Variants in LIMCH1 observed in about 807,000 individuals in gnomAD.
LIMCH1 encodes the protein LIM and calponin homology domains-containing protein 1.
In LIMCH1, 113 loss-of-function variants were observed where a neutral mutation model predicts 176.5. That is an observed-to-expected ratio of 0.64 (90% CI 0.55 to 0.75). The LOEUF is 0.75. Among genes scored for constraint, LIMCH1 ranks in the 30% least tolerant of loss-of-function variants. LIMCH1 has a pLI of 0.00. For synonymous variants in LIMCH1, 619 were observed against 645.9 expected (o/e 0.96, Z 0.63); for missense variants, 1,674 against 1,814.9 (o/e 0.92, Z 1.41).
chr4:41,674,956 C>T (rs911107955), intron 22 of LIMCH1, among the ~76,000 whole-genome samples: 8 of 152,088 alleles, frequency 5.3e-5, no homozygotes, highest in Non-Finnish European at 1.2e-4. Flanking sequence ...TGCATAACTT[C>T]CAAGAGCCTG....
At chr4:41,394,994 A>G (rs892782519) in intron 1 of LIMCH1, among the ~76,000 whole-genome samples, 14 of 152,210 alleles carry the variant, frequency 9.2e-5, no homozygotes, top group Non-Finnish European at 1.9e-4. Context: ...TTGATATCTG[A>G]GAAACTGAAC....
At position 41,633,875 on chromosome 4, in the gene LIMCH1, T is replaced by C. The variant is rs578005670; in HGVS notation, c.2090+67T>C. 29 of 1,478,146 alleles carry C rather than the reference T, an allele frequency of 2.0e-5. No homozygotes were observed. In the African/African-American group the frequency reaches 3.4e-4, roughly 17 times the overall value. The allele number at this position is 1,478,146 out of a possible 1,614,324, so 91.6% of individuals were successfully genotyped here. ...GTCTGAGCTTTCAGTGTGTTCTTAA[T>C]GCATTATGGCACCTCAGTGCCGCTT... On this transcript the variant is annotated intron_variant, in intron 13 of 31. Coordinates refer to ENST00000503057, the MANE Select transcript of LIMCH1 (RefSeq NM_001330672.2).
Position 41,532,765 on chromosome 4 carries a change from C to G in LIMCH1, c.237+8287C>G, listed in dbSNP as rs144397444. Reference sequence around the variant, plus strand: ...AAGAATTTTTTGTCCCTTCACTCATCTTGTGATTATTATGTCCTTTCTGGT... The same window carrying G: ...AAGAATTTTTTGTCCCTTCACTCATGTTGTGATTATTATGTCCTTTCTGGT... On this transcript the variant is annotated intron_variant, in intron 3 of 26. Transcript: ENST00000313860. 1.8e-3 allele frequency among the ~76,000 whole-genome samples: 272 copies of G among 152,310 alleles called. 1 individual carries two copies. Among genetic ancestry groups the G allele is most frequent in the African/African-American group, 6.2e-3 (258 of 41,570 alleles).
intron 3 of LIMCH1, among the ~76,000 whole-genome samples, chr4:41,526,028 A>G (rs1339931887): frequency 6.6e-6 from 1 of 152,160 alleles, no homozygotes; most frequent in Non-Finnish European, 1.5e-5. Flanking sequence ...GGAAATCATA[A>G]ATAATTTTAG....
intron 1 of LIMCH1, among the ~76,000 whole-genome samples, chr4:41,558,127 C>T (rs2081541599): frequency 6.6e-6 from 1 of 151,978 alleles, no homozygotes; most frequent in African/African-American, 2.4e-5. Flanking sequence ...TACATCAGCC[C>T]AAGTAGCAGC....
At chr4:41,434,495 C>T (rs921306499) in intron 1 of LIMCH1, among the ~76,000 whole-genome samples, 8 of 152,210 alleles carry the variant, frequency 5.3e-5, no homozygotes, top group African/African-American at 1.9e-4. Flanking sequence ...TCCCTCTCCC[C>T]ATACACCTGG....
chr4:41,393,489 C>T (rs2057477404), intron 1 of LIMCH1, among the ~76,000 whole-genome samples: 1 of 152,206 alleles, frequency 6.6e-6, no homozygotes, highest in South Asian at 2.1e-4. Flanking sequence ...AAAAGGCAAT[C>T]TCTTTAAATG....
At chr4:41,683,512 A>G (rs1718010974) in intron 26 of LIMCH1, among the ~76,000 whole-genome samples, 1 of 152,218 alleles carries the variant, frequency 6.6e-6, no homozygotes, top group African/African-American at 2.4e-5. Context: ...GAGTTACCAG[A>G]TAGGTATTGG....
At chr4:41,486,851 G>A (rs552214050) in intron 1 of LIMCH1, among the ~76,000 whole-genome samples, 6 of 150,022 alleles carry the variant, frequency 4.0e-5, no homozygotes, top group Non-Finnish European at 7.4e-5. Flanking sequence ...GTGTGATCTC[G>A]GCTCACTGCA....
chr4:41,555,572 C>T lies in LIMCH1; in HGVS notation c.-241+17222C>T, dbSNP rs557657207. ...ATTCATTCAACAAATATCAGAAAAT[C>T]ACCAGGTACTGGAAATTGATCAGCA... On this transcript the variant is annotated intron_variant, in intron 1 of 31. Transcript: ENST00000503057. Among the ~76,000 whole-genome samples, 4 of 152,254 alleles carry T rather than the reference C, an allele frequency of 2.6e-5. No individual in the cohort carries two copies. The South Asian group carries it at 8.3e-4, about 32-fold the overall frequency.
At chr4:41,622,622 T>G (rs28691847) in intron 7 of LIMCH1, among the ~76,000 whole-genome samples, 2,650 of 152,298 alleles carry the variant, frequency 0.017, 76 homozygotes, top group African/African-American at 0.055. Context: ...ACTGTGCCAC[T>G]TCAGTACCTG....
intron 5 of LIMCH1, among the ~76,000 whole-genome samples, chr4:41,614,223 C>G (rs1369225422): frequency 1.3e-5 from 2 of 152,168 alleles, no homozygotes; most frequent in Non-Finnish European, 2.9e-5. Flanking sequence ...AGTGCACAAC[C>G]CAGGCTGCCT....
intron 7 of LIMCH1, among the ~76,000 whole-genome samples, chr4:41,621,693 G>A (rs2092593556): frequency 6.6e-6 from 1 of 151,912 alleles, no homozygotes. Flanking sequence ...GTAGAGATGG[G>A]GTTTTACCAG....
At chr4:41,450,786 C>G in intron 1 of LIMCH1, among the ~76,000 whole-genome samples, 1 of 118,110 alleles carries the variant, frequency 8.5e-6, no homozygotes, top group Non-Finnish European at 1.6e-5. Flanking sequence ...TAGAGCAAGA[C>G]TCTCTCTCTC....
intron 2 of LIMCH1, 144 bp from the exon 3 acceptor site, chr4:41,603,731 A>C: frequency 1.7e-6 from 1 of 581,890 alleles, no homozygotes; most frequent in Non-Finnish European, 3.0e-6. Context: ...CCGAAATCAC[A>C]AAACTTAAGC....
intron 27 of LIMCH1, among the ~76,000 whole-genome samples, chr4:41,685,029 G>C (rs966637508): frequency 2.6e-5 from 4 of 152,116 alleles, no homozygotes; most frequent in Non-Finnish European, 5.9e-5. Context: ...TACATGCCGA[G>C]GGTCTTCAGG....
intron 1 of LIMCH1, among the ~76,000 whole-genome samples, chr4:41,396,524 T>G (rs1048603003): frequency 1.6e-4 from 24 of 152,138 alleles, no homozygotes; most frequent in South Asian, 6.2e-4. Flanking sequence ...TGCGGGTTTT[T>G]TTTTGTTTTG....
In LIMCH1 at chr4:41,629,713, T is replaced by C. The variant is rs2093200134; in HGVS notation, c.1250T>C (p.Leu417Pro). The C allele has an allele frequency of 1.3e-6, 2 of 1,535,676 alleles. No homozygotes were observed. Among genetic ancestry groups the C allele is most frequent in the Non-Finnish European group, 1.7e-6 (2 of 1,146,784 alleles). ...TEADLETWER[L>P]KVSEKARDGD... ...GCTGACTTGGAGACGTGGGAGAGAC[T>C]CAAAGTGTCAGAAAAGGCGAGGTGT... is the stretch of plus-strand genomic sequence containing the variant. Residue 417 changes from leucine (L) to proline (P), a missense_variant, in exon 9 of 32, where the codon CTC becomes CCC. By Grantham distance (98) the Leu-to-Pro change is moderately conservative. This residue lies in a region of LIMCH1 where 655 missense variants were observed against 692.2 expected (regional missense o/e 0.95). Transcript: ENST00000503057.
At chr4:41,667,377 T>C (rs1031459970) in intron 21 of LIMCH1, among the ~76,000 whole-genome samples, 2 of 152,050 alleles carry the variant, frequency 1.3e-5, no homozygotes, top group Admixed American at 6.6e-5. Context: ...GTGTGTGTAT[T>C]ACATAAATTA....
Sources: gnomAD v4.1 joint callset for allele counts (sites outside exome capture counted in the v4.1 genomes callset) on GRCh38, gnomAD v4.1.1 for gene constraint, gnomAD v4.1.1 regional missense constraint, MANE v1.5 for transcripts, NCBI Gene and HGNC (gene_info 2026-07-23, HGNC 2026-07-21) for gene names.